SYAP1: variants seen among roughly 807,000 people sequenced by gnomAD.
The protein encoded by SYAP1 is synapse-associated protein 1.
SYAP1 carries 3 observed loss-of-function variants against 29.6 expected under a neutral mutation model. The ratio of observed to expected loss-of-function variants is 0.10; its 90% CI spans 0.05 to 0.26. The LOEUF is 0.26. SYAP1 is among the 10% of genes least tolerant of loss of function. The pLI, the probability that SYAP1 is intolerant of heterozygous loss-of-function variation, is 1.00. For synonymous variants in SYAP1, 102 were observed against 102.7 expected (o/e 0.99, Z 0.04); for missense variants, 217 against 264.1 (o/e 0.82, Z 1.24).
At position 16,719,614 on chromosome X, in the gene SYAP1, T is replaced by A; in HGVS notation, c.-111T>A. 1.1e-6 allele frequency: 1 copy of A among 942,642 alleles called. No homozygotes were observed. The allele number at this position is 942,642 out of a possible 1,213,427, so 77.7% of individuals were successfully genotyped here. A position where few individuals can be genotyped will look rare whatever the true frequency, so the allele number is the denominator to read the frequency against. On this transcript the variant is annotated 5_prime_UTR_variant, in exon 1 of 9. Transcript: ENST00000380155. ...GGCGGGGCTGCGGCGGCTGCGGTGT[T>A]CCTCCGACTTCCGGACATCTCCCTG...
At chrX:16,751,714 T>C (rs1182336718) in intron 5 of SYAP1, among the ~76,000 whole-genome samples, 1 of 104,783 alleles carries the variant, frequency 9.5e-6, no homozygotes, top group East Asian at 3.0e-4. Context: ...GTTTCGCTAT[T>C]GTTGCCCAGG....
At chrX:16,758,842 A>G (rs998439040) in intron 8 of SYAP1, among the ~76,000 whole-genome samples, 1 of 110,295 alleles carries the variant, frequency 9.1e-6, no homozygotes, top group Non-Finnish European at 1.9e-5. Context: ...CTGTAGAACG[A>G]TTAAAGCATT....
intron 1 of SYAP1, among the ~76,000 whole-genome samples, chrX:16,731,416 C>T (rs769779691): frequency 1.8e-5 from 2 of 111,482 alleles, no homozygotes; most frequent in African/African-American, 3.3e-5. Flanking sequence ...AGTGATCTGC[C>T]GTAACTGACT....
At chrX:16,732,686 G>A (rs1336650828) in intron 1 of SYAP1, among the ~76,000 whole-genome samples, 1 of 112,250 alleles carries the variant, frequency 8.9e-6, no homozygotes, top group Non-Finnish European at 1.9e-5. Context: ...TAGTGTGGCT[G>A]TCTACCCATT....
chrX:16,745,961 T>G (rs950467129), intron 5 of SYAP1, among the ~76,000 whole-genome samples: 8 of 110,641 alleles, frequency 7.2e-5, no homozygotes, highest in African/African-American at 2.6e-4. Flanking sequence ...ATAGCGGTTT[T>G]AACAAATATT....
At chrX:16,742,207 AG>A (rs1314386915) in intron 4 of SYAP1, among the ~76,000 whole-genome samples, 1 of 91,124 alleles carries the variant, frequency 1.1e-5, no homozygotes, top group Non-Finnish European at 2.1e-5. Context: ...CCTGGAGCGC[AG>A]TGGCACGATC....
At chrX:16,754,201 C>T (rs1483420498) in intron 5 of SYAP1, among the ~76,000 whole-genome samples, 2 of 111,994 alleles carry the variant, frequency 1.8e-5, no homozygotes, top group South Asian at 3.7e-4. Flanking sequence ...TGCTGGAAGG[C>T]ATTTAATCCT....
intron 1 of SYAP1, among the ~76,000 whole-genome samples, chrX:16,729,038 CGAAAAAAAAAAAA>C (rs1483801443): frequency 1.4e-5 from 1 of 73,537 alleles, no homozygotes; most frequent in Non-Finnish European, 2.4e-5. Context: ...GCAGCTATCT[CGAAAAAAAAAAAA>C]GAAAAAAAAA....
Position 16,760,537 on chromosome X carries a change from C to A in SYAP1, c.*178C>A. The A allele has an allele frequency of 3.2e-6, 1 of 313,763 alleles. No homozygotes were observed. Among genetic ancestry groups the A allele is most frequent in the Non-Finnish European group, 5.2e-6 (1 of 191,516 alleles). 25.9% of individuals were successfully genotyped at this position (313,763 alleles called of 1,213,427 possible). On this transcript the variant is annotated 3_prime_UTR_variant, in exon 9 of 9. Coordinates refer to ENST00000380155, the MANE Select transcript of SYAP1 (RefSeq NM_032796.4). ...TTTAAAAAAGTATATAGAACAGTTACTTCTAATAATCAGAAAGAGATGTTT... is the reference window on the plus strand; with the variant it reads ...TTTAAAAAAGTATATAGAACAGTTAATTCTAATAATCAGAAAGAGATGTTT...
chrX:16,757,381 G>A (rs1357506050), intron 8 of SYAP1, 72 bp downstream of exon 8: 1 of 1,088,062 alleles, frequency 9.2e-7, no homozygotes, highest in Non-Finnish European at 1.2e-6. Context: ...GTAGAAAATT[G>A]TTATTCTGAA....
At position 16,733,319 on chromosome X, in the gene SYAP1, G is replaced by C. The variant is rs1926249878; in HGVS notation, c.176-1908G>C. 3.6e-5 allele frequency among the ~76,000 whole-genome samples: 4 copies of C among 111,457 alleles called. No homozygotes were observed. The South Asian group carries it at 1.5e-3, about 42-fold the overall frequency. The stretch of plus-strand genomic sequence containing the variant: ...AAGTAGATTTTTAAATGGGAAGCTG[G>C]TGAAAGGATCATTCAGATGGAGTGA... On this transcript the variant is annotated intron_variant, in intron 1 of 8. Coordinates refer to ENST00000380155, the MANE Select transcript of SYAP1 (RefSeq NM_032796.4).
chrX:16,757,407 T>C, intron 8 of SYAP1, 98 bp downstream of exon 8: 1 of 961,619 alleles, frequency 1.0e-6, no homozygotes, highest in Non-Finnish European at 1.4e-6. Flanking sequence ...TGCACAAAAA[T>C]GTGTTGTAAA....
At chrX:16,724,909 T>A (rs1409047741) in intron 1 of SYAP1, among the ~76,000 whole-genome samples, 1 of 111,948 alleles carries the variant, frequency 8.9e-6, no homozygotes, top group African/African-American at 3.2e-5. Flanking sequence ...TGTGGACTTG[T>A]CAAGATTCAT....
chrX:16,758,329 G>A (rs1602338167), intron 8 of SYAP1, among the ~76,000 whole-genome samples: 1 of 108,947 alleles, frequency 9.2e-6, no homozygotes. Context: ...ATAGGTATGT[G>A]CCACCATGCC....
At chrX:16,729,554 C>T (rs944894985) in intron 1 of SYAP1, among the ~76,000 whole-genome samples, 5 of 106,670 alleles carry the variant, frequency 4.7e-5, no homozygotes, top group African/African-American at 1.4e-4. Context: ...GATGTGATCT[C>T]GGCTCACTGC....
At chrX:16,720,372 G>A (rs764270952) in intron 1 of SYAP1, among the ~76,000 whole-genome samples, 1 of 112,313 alleles carries the variant, frequency 8.9e-6, no homozygotes, top group Non-Finnish European at 1.9e-5. Context: ...CCGGTCAAAT[G>A]CTTTTTAGGT....
chrX:16,723,314 A>G (rs1926006793), intron 1 of SYAP1, among the ~76,000 whole-genome samples: 1 of 112,368 alleles, frequency 8.9e-6, no homozygotes, highest in South Asian at 3.6e-4. Context: ...TGCACAGTCA[A>G]TAGCTTGGAT....
In SYAP1 at chrX:16,720,284, GA is replaced by G. The variant is rs201941305; in HGVS notation, c.175+391del. Among the ~76,000 whole-genome samples, 787 of 112,224 alleles carry G rather than the reference GA, an allele frequency of 7.0e-3. 8 individuals carry two copies. Among genetic ancestry groups the G allele is most frequent in the African/African-American group, 0.024 (742 of 30,947 alleles). ...GATAGTTGGCGAGCTTGAATTGGTT[GA>G]AAAAATAATTTTTTGCCCCTAGGTC... On this transcript the variant is annotated intron_variant, in intron 1 of 8. Coordinates refer to ENST00000380155, the MANE Select transcript of SYAP1 (RefSeq NM_032796.4).
chrX:16,723,415 T>G (rs900392157), intron 1 of SYAP1, among the ~76,000 whole-genome samples: 2 of 112,014 alleles, frequency 1.8e-5, no homozygotes, highest in Admixed American at 1.9e-4. Context: ...AAAGGTCTTT[T>G]GCAGAAAAGA....
Sources: allele counts gnomAD v4.1 joint callset (sites outside exome capture counted in the v4.1 genomes callset), GRCh38; gene constraint gnomAD v4.1.1; transcripts MANE v1.5; gene names NCBI Gene and HGNC (gene_info 2026-07-23, HGNC 2026-07-21).